MGAT5: variants seen among roughly 807,000 people sequenced by gnomAD.
MGAT5 encodes alpha-1,6-mannosylglycoprotein 6-beta-N-acetylglucosaminyltransferase A.
A neutral mutation model predicts 94.3 loss-of-function variants in MGAT5; 30 were observed. The ratio of observed to expected loss-of-function variants is 0.32; its 90% CI spans 0.24 to 0.43. MGAT5 has a LOEUF of 0.43. Ranked by LOEUF, MGAT5 falls within the 20% of genes least tolerant of loss-of-function variation. MGAT5 has a pLI of 1.00. For missense variants in MGAT5, 691 were observed against 905.5 expected, an observed-to-expected ratio of 0.76 and a Z score of 3.04; for synonymous variants, 310 against 322.9, an observed-to-expected ratio of 0.96 and a Z score of 0.43.
chr2:134,388,681 C>T (rs1036235861), intron 10 of MGAT5, among the ~76,000 whole-genome samples: 1 of 146,946 alleles, frequency 6.8e-6, no homozygotes, highest in African/African-American at 2.5e-5. Flanking sequence ...TTACTAATTG[C>T]ATACCTGTGG....
rs545823623 is a variant in MGAT5, at chr2:134,432,966, A to G, written c.1869+4527A>G. ...TTACAGACCATAAAGTTCACTGCAT[A>G]TAAGGACACAATTCAATTTTTTTTT... On this transcript the variant is annotated intron_variant, in intron 14 of 15. Transcript: ENST00000281923. Among the ~76,000 whole-genome samples, 58 of 152,300 alleles carry G rather than the reference A, an allele frequency of 3.8e-4. No homozygotes were observed. In the Middle Eastern group the frequency reaches 0.01, roughly 27 times the overall value.
At chr2:134,411,914 G>T (rs1683687555) in intron 11 of MGAT5, among the ~76,000 whole-genome samples, 2 of 152,192 alleles carry the variant, frequency 1.3e-5, no homozygotes, top group South Asian at 4.1e-4. Context: ...TGTGCCCCTG[G>T]GGGCTGAAAC....
At chr2:134,447,495 G>A (rs1016253285) in intron 15 of MGAT5, among the ~76,000 whole-genome samples, 1 of 152,184 alleles carries the variant, frequency 6.6e-6, no homozygotes, top group Non-Finnish European at 1.5e-5. Flanking sequence ...AAGGGAATCT[G>A]AGCCACAGAG....
chr2:134,257,207 A>T (rs537599829), intron 1 of MGAT5, among the ~76,000 whole-genome samples: 3 of 152,156 alleles, frequency 2.0e-5, no homozygotes, highest in Non-Finnish European at 2.9e-5. Context: ...TAAGGATGTT[A>T]TCAAGCAGAT....
At chr2:134,332,067 C>A (rs1271764784) in intron 4 of MGAT5, among the ~76,000 whole-genome samples, 1 of 152,038 alleles carries the variant, frequency 6.6e-6, no homozygotes, top group African/African-American at 2.4e-5. Context: ...TGACTTTCTT[C>A]ACAGAATTGG....
At chr2:134,399,828 G>A (rs866043328) in intron 10 of MGAT5, among the ~76,000 whole-genome samples, 5 of 150,690 alleles carry the variant, frequency 3.3e-5, no homozygotes, top group Admixed American at 6.6e-5. Context: ...GATGACCAAA[G>A]TAAGGGAAGG....
In MGAT5 at chr2:134,449,715, C is replaced by G. The variant is rs2106452273; in HGVS notation, c.*868C>G. ...AGTTTCTGGTAAACTCACCCTCCCT[C>G]CAGCCCCGCTATGAGGAGGAAAGTA... On this transcript the variant is annotated 3_prime_UTR_variant, in exon 16 of 16. Coordinates refer to ENST00000281923, the MANE Select transcript of MGAT5 (RefSeq NM_002410.5). The G allele has an allele frequency of 6.6e-6, 1 of 152,352 alleles. No homozygotes were observed. The highest frequency in any genetic ancestry group is 1.9e-4 in the East Asian group (1 of 5,184). The allele number at this position is 152,352 out of a possible 1,614,324, so 9.4% of individuals were successfully genotyped here.
At chr2:134,428,804 A>T (rs1293756250) in intron 14 of MGAT5, among the ~76,000 whole-genome samples, 1 of 152,248 alleles carries the variant, frequency 6.6e-6, no homozygotes, top group Non-Finnish European at 1.5e-5. Context: ...TATTTTAATA[A>T]TACATGTTCA....
At chr2:134,327,139 TAA>T (rs545592103) in intron 4 of MGAT5, among the ~76,000 whole-genome samples, 1 of 152,056 alleles carries the variant, frequency 6.6e-6, no homozygotes, top group South Asian at 2.1e-4. Flanking sequence ...CTTCCGATCT[TAA>T]AAAAAATGTT....
intron 2 of MGAT5, among the ~76,000 whole-genome samples, chr2:134,308,764 G>A (rs1216901412): frequency 6.6e-6 from 1 of 152,184 alleles, no homozygotes; most frequent in African/African-American, 2.4e-5. Flanking sequence ...GCCGAGTATG[G>A]TGGCTTATGC....
rs1553490383 is a variant in MGAT5 at position 134,189,602 on chromosome 2, G to GTTTTTTTTGTT, written c.-142-64652_-142-64651insGTTTTTTTTTT. 9.8e-4 allele frequency among the ~76,000 whole-genome samples: 83 copies of GTTTTTTTTGTT among 84,674 alleles called. 2 individuals are homozygous for GTTTTTTTTGTT. The highest frequency in any genetic ancestry group is 3.4e-4 in the Non-Finnish European group (15 of 43,580). The allele number at this position is 84,674 out of a possible 152,430, so 55.5% of individuals were successfully genotyped here. ...AACCTCATGGCTCTAGTTTTTTTTT[G>GTTTTTTTTGTT]TTTTTTTTTTTTTTTTTTAAGACAG... On this transcript the variant is annotated intron_variant, in intron 1 of 16. Transcript: ENST00000409645.
intron 4 of MGAT5, among the ~76,000 whole-genome samples, chr2:134,320,618 G>A (rs1054210777): frequency 2.6e-5 from 4 of 152,098 alleles, no homozygotes; most frequent in Non-Finnish European, 4.4e-5. Flanking sequence ...TCTGTCCCCC[G>A]TTTTTGTTTG....
At chr2:134,308,120 C>T (rs16830386) in intron 2 of MGAT5, among the ~76,000 whole-genome samples, 5,903 of 152,188 alleles carry the variant, frequency 0.039, 278 homozygotes, top group East Asian at 0.12. Context: ...ATCGAGTAAT[C>T]GGTGTACATA....
intron 1 of MGAT5, among the ~76,000 whole-genome samples, chr2:134,169,433 CACACACATAT>C (rs1398010091): frequency 3.5e-4 from 53 of 151,240 alleles, no homozygotes; most frequent in African/African-American, 1.3e-3. Context: ...CACACACACA[CACACACATAT>C]ATAAAAGATT....
rs1038114332 is a variant in MGAT5 at position 134,283,609 on chromosome 2, A to G, written c.406+13059A>G. On this transcript the variant is annotated intron_variant, in intron 2 of 15. Coordinates refer to ENST00000281923, the MANE Select transcript of MGAT5 (RefSeq NM_002410.5). ...TTCTTGTCTGTAGGTGCCTGTCTCT[A>G]TTCACATTTAAAGCCATTGTTGAGG... Among the ~76,000 whole-genome samples the G allele has an allele frequency of 3.0e-5, 4 of 132,846 alleles. No individual in the cohort carries two copies. The Admixed American group carries it at 3.0e-4, about 10-fold the overall frequency. 87.2% of individuals were successfully genotyped at this position (132,846 alleles called of 152,430 possible).
chr2:134,241,134 G>T (rs549501495), intron 1 of MGAT5, among the ~76,000 whole-genome samples: 2 of 152,356 alleles, frequency 1.3e-5, no homozygotes, highest in Admixed American at 1.3e-4. Context: ...CCCAGGTGAT[G>T]GCTGAGCATC....
intron 2 of MGAT5, among the ~76,000 whole-genome samples, chr2:134,274,810 T>G (rs1050198514): frequency 1.3e-5 from 2 of 152,210 alleles, no homozygotes; most frequent in African/African-American, 4.8e-5. Context: ...CAAGTTGAAC[T>G]TACAGCAACC....
intron 1 of MGAT5, among the ~76,000 whole-genome samples, chr2:134,267,515 C>G (rs1258476879): frequency 6.6e-6 from 1 of 152,186 alleles, no homozygotes; most frequent in Non-Finnish European, 1.5e-5. Context: ...CCCTTTTACA[C>G]TCCATGTCAC....
chr2:134,233,545 A>C lies in MGAT5; in HGVS notation c.-142-20717A>C, dbSNP rs184729566. ...TTGAGAAAAGGAACTGAAGGGAAGA[A>C]AGAAAACCACAACTGCTTTAGAATA... On this transcript the variant is annotated intron_variant, in intron 1 of 16. Transcript: ENST00000409645. Among the ~76,000 whole-genome samples, 6 of 152,318 alleles carry C rather than the reference A, an allele frequency of 3.9e-5. No individual in the cohort carries two copies. The East Asian group carries it at 9.6e-4, about 24-fold the overall frequency.
Sources: allele counts gnomAD v4.1 joint callset (sites outside exome capture counted in the v4.1 genomes callset), GRCh38; gene constraint gnomAD v4.1.1; transcripts MANE v1.5; gene names NCBI Gene and HGNC (gene_info 2026-07-23, HGNC 2026-07-21).